Variants in POLR3GL observed in about 807,000 individuals in gnomAD.
The protein encoded by POLR3GL is RNA polymerase III subunit GL.
Under a neutral mutation model 32.4 loss-of-function variants are expected in POLR3GL, and 26 were observed. The ratio of observed to expected loss-of-function variants is 0.80; its 90% CI spans 0.59 to 1.11. POLR3GL has a LOEUF of 1.11. Ranked by LOEUF, POLR3GL falls within the 50% of genes most tolerant of loss-of-function variation. The pLI is 0.00. For missense variants in POLR3GL, 229 were observed against 280.1 expected, an observed-to-expected ratio of 0.82 and a Z score of 1.30; for synonymous variants, 95 against 98.7, an observed-to-expected ratio of 0.96 and a Z score of 0.22.
intron 1 of POLR3GL, among the ~76,000 whole-genome samples, chr1:145,974,071 G>C (rs782224462): frequency 1.3e-5 from 2 of 151,460 alleles, no homozygotes. Flanking sequence ...GGTTGAGGCT[G>C]CAGTGAGCCA....
intron 1 of POLR3GL, among the ~76,000 whole-genome samples, chr1:145,971,989 A>AATATAT (rs1165893062): frequency 4.5e-5 from 3 of 66,966 alleles, no homozygotes; most frequent in African/African-American, 1.9e-4. Flanking sequence ...AAAAAAAAAA[A>AATATAT]ATATATATAT....
intron 1 of POLR3GL, among the ~76,000 whole-genome samples, chr1:145,972,574 CTTTA>C (rs1650370749): frequency 6.6e-6 from 1 of 152,124 alleles, no homozygotes; most frequent in African/African-American, 2.4e-5. Flanking sequence ...TCTAATACTG[CTTTA>C]TTTATTTTGT....
Position 145,978,340 on chromosome 1 carries a change from CTT to C in POLR3GL, c.571-11_571-10del, listed in dbSNP as rs375314716. Reference sequence around the variant, plus strand: ...AAGGTGAATGCCAAATTGACTTTTACTTTTTTTTTTTCCATTTCAGGAAACTG... The same window carrying C: ...AAGGTGAATGCCAAATTGACTTTTACTTTTTTTTTCCATTTCAGGAAACTG... On this transcript the variant is annotated intron_variant, in intron 7 of 7. Coordinates refer to ENST00000369314, the MANE Select transcript of POLR3GL (RefSeq NM_032305.3). 3 of 1,360,554 alleles carry C rather than the reference CTT, an allele frequency of 2.2e-6. No individual in the cohort carries two copies. Among genetic ancestry groups the C allele is most frequent in the African/African-American group, 1.5e-5 (1 of 68,510 alleles). 84.3% of individuals were successfully genotyped at this position (1,360,554 alleles called of 1,614,324 possible). A position where few individuals can be genotyped will look rare whatever the true frequency, so the allele number is the denominator to read the frequency against.
intron 1 of POLR3GL, among the ~76,000 whole-genome samples, chr1:145,970,976 G>A (rs1214026438): frequency 1.3e-5 from 2 of 149,788 alleles, no homozygotes; most frequent in African/African-American, 4.9e-5. Context: ...ACCTGGTCGG[G>A]AGGTGGAGAC....
intron 1 of POLR3GL, among the ~76,000 whole-genome samples, chr1:145,971,354 G>A (rs1398810658): frequency 1.3e-5 from 2 of 151,916 alleles, no homozygotes; most frequent in Non-Finnish European, 2.9e-5. Flanking sequence ...ATTATATTTA[G>A]TTGTCACGTC....
At chr1:145,965,424 A>C (rs1458024371) in intron 1 of POLR3GL, among the ~76,000 whole-genome samples, 1 of 152,246 alleles carries the variant, frequency 6.6e-6, no homozygotes, top group Non-Finnish European at 1.5e-5. Flanking sequence ...AGTGTTTCAT[A>C]ATTGTTTCTA....
At chr1:145,975,157 C>T (rs1286061318) in intron 2 of POLR3GL, 150 bp from the exon 3 acceptor site, 3 of 1,303,974 alleles carry the variant, frequency 2.3e-6, no homozygotes, top group Admixed American at 2.5e-5. Flanking sequence ...ACCTTTACTT[C>T]TCCCCAGCTT....
At chr1:145,966,934 T>C (rs1650064324) in intron 1 of POLR3GL, among the ~76,000 whole-genome samples, 1 of 152,262 alleles carries the variant, frequency 6.6e-6, no homozygotes, top group Admixed American at 6.5e-5. Context: ...CTTATATCTG[T>C]GACTGTATAT....
Position 145,977,250 on chromosome 1 carries a change from T to C in POLR3GL, c.325+98T>C, listed in dbSNP as rs1047041093. ...CCCATGACCCCACCCCATTCCCCGA[T>C]CCAGCATCTGCAAGCTAGAGCCTTA... On this transcript the variant is annotated intron_variant, in intron 4 of 7. Transcript: ENST00000369314. 13 of 1,088,080 alleles carry C rather than the reference T, an allele frequency of 1.2e-5. No individual in the cohort carries two copies. In the Admixed American group the frequency reaches 2.2e-4, roughly 19 times the overall value. 67.4% of individuals were successfully genotyped at this position (1,088,080 alleles called of 1,614,324 possible).
Position 145,978,042 on chromosome 1 carries a change from A to G in POLR3GL, c.516A>G (p.Glu172=). The change falls in exon 7 of 8, where the codon GAA becomes GAG. Residue 172 remains glutamate (E), a synonymous_variant. Transcript: ENST00000369314. ...TSEEDEEKEE[E]EEKEEEEEEE... is the part of the protein sequence containing the mutation. ...AGGAGGATGAGGAGAAAGAAGAAGA[A>G]GAAGAGAAGGAAGAGGAGGAAGAAG... 1 of 1,608,412 alleles carries G rather than the reference A, an allele frequency of 6.2e-7. No individual in the cohort carries two copies. The highest frequency in any genetic ancestry group is 8.5e-7 in the Non-Finnish European group (1 of 1,175,094).
intron 1 of POLR3GL, among the ~76,000 whole-genome samples, chr1:145,970,088 A>G (rs782493169): frequency 3.9e-5 from 6 of 152,052 alleles, no homozygotes; most frequent in Admixed American, 1.3e-4. Context: ...TCTACATATT[A>G]TTTTTAAATA....
intron 3 of POLR3GL, 54 bp from the exon 4 acceptor site, chr1:145,977,030 C>T (rs1359838001): frequency 8.4e-6 from 12 of 1,424,388 alleles, no homozygotes; most frequent in Non-Finnish European, 1.1e-5. Flanking sequence ...CTCTCAGGAA[C>T]AGTCCTGTTC....
chr1:145,974,068 G>A (rs1650444857), intron 1 of POLR3GL, among the ~76,000 whole-genome samples: 1 of 151,484 alleles, frequency 6.6e-6, no homozygotes, highest in Non-Finnish European at 1.5e-5. Context: ...GGAGGTTGAG[G>A]CTGCAGTGAG....
intron 1 of POLR3GL, among the ~76,000 whole-genome samples, chr1:145,967,094 GA>G (rs1286339697): frequency 4.0e-5 from 6 of 150,744 alleles, no homozygotes; most frequent in Admixed American, 2.0e-4. Flanking sequence ...GTGTCCATTT[GA>G]AAAAAAACTC....
At position 145,976,934 on chromosome 1, in the gene POLR3GL, A is replaced by AGC. The variant is rs1650582600; in HGVS notation, c.257-149_257-148insCG. Reference sequence around the variant, plus strand: ...TCTCAAAAAAAAAAAAAAAAAAAGTAGATAAGGTCCTCACTGAAGCTGACC... The same window carrying AGC: ...TCTCAAAAAAAAAAAAAAAAAAAGTAGCGATAAGGTCCTCACTGAAGCTGACC... On this transcript the variant is annotated intron_variant, in intron 3 of 7. Coordinates refer to ENST00000369314, the MANE Select transcript of POLR3GL (RefSeq NM_032305.3). 4 of 1,036 alleles carry AGC rather than the reference A, an allele frequency of 3.9e-3. 2 individuals carry two copies. The highest frequency in any genetic ancestry group is 3.0e-3 in the Non-Finnish European group (2 of 676). 0.1% of individuals were successfully genotyped at this position (1,036 alleles called of 1,614,324 possible).
chr1:145,978,157 T>A, intron 7 of POLR3GL, 61 bp downstream of exon 7: 2 of 1,559,952 alleles, frequency 1.3e-6, no homozygotes, highest in Non-Finnish European at 1.7e-6. Flanking sequence ...CTAGGGTTGC[T>A]CTCCTCAGAG....
At chr1:145,976,795 C>T (rs1438447438) in intron 3 of POLR3GL, among the ~76,000 whole-genome samples, 1 of 150,950 alleles carries the variant, frequency 6.6e-6, no homozygotes, top group African/African-American at 2.4e-5. Flanking sequence ...TGCCTGTAGT[C>T]CCAGCTACTC....
intron 1 of POLR3GL, among the ~76,000 whole-genome samples, chr1:145,972,429 G>A (rs1553762863): frequency 5.3e-5 from 8 of 149,968 alleles, no homozygotes. Flanking sequence ...CTCCCTTTTA[G>A]GATGGAGTGT....
intron 4 of POLR3GL, 103 bp from the exon 5 acceptor site, chr1:145,977,380 C>A: frequency 8.3e-7 from 1 of 1,198,716 alleles, no homozygotes; most frequent in Admixed American, 1.9e-5. Flanking sequence ...CCAGCCCCTT[C>A]CTTCCTCTCC....
Sources: allele counts gnomAD v4.1 joint callset (sites outside exome capture counted in the v4.1 genomes callset), GRCh38; gene constraint gnomAD v4.1.1; transcripts MANE v1.5; gene names NCBI Gene and HGNC (gene_info 2026-07-23, HGNC 2026-07-21).